ABTB3: variants seen among roughly 807,000 people sequenced by gnomAD.
ABTB3 encodes ankyrin repeat- and BTB/POZ domain-containing protein 3.
the ABTB3 span, among the ~76,000 whole-genome samples, chr12:107,329,692 A>G: frequency 1.5e-3 from 224 of 152,332 alleles, no homozygotes; most frequent in Middle Eastern, 3.4e-3. Context: ...GTTACATGAG[A>G]GTAATAGTGA....
chr12:107,349,887 C>G, the ABTB3 span, among the ~76,000 whole-genome samples: 2 of 152,214 alleles, frequency 1.3e-5, no homozygotes, highest in Non-Finnish European at 2.9e-5. Context: ...GAGGCACAGA[C>G]AGAGTGCTGT....
At chr12:107,492,514 G>A in the ABTB3 span, among the ~76,000 whole-genome samples, 1 of 152,112 alleles carries the variant, frequency 6.6e-6, no homozygotes. Context: ...ATACTCACAG[G>A]CTTCTCATAA....
chr12:107,483,208 G>T, the ABTB3 span, among the ~76,000 whole-genome samples: 1 of 151,916 alleles, frequency 6.6e-6, no homozygotes, highest in Non-Finnish European at 1.5e-5. Flanking sequence ...TGAAGGGAAT[G>T]CTGGGAGGAG....
chr12:107,540,271 G>A, the ABTB3 span, among the ~76,000 whole-genome samples: 3 of 152,140 alleles, frequency 2.0e-5, no homozygotes, highest in African/African-American at 7.2e-5. Context: ...GGCAGGAGGT[G>A]GAAGGGCAAG....
the ABTB3 span, among the ~76,000 whole-genome samples, chr12:107,406,921 A>G: frequency 6.6e-6 from 1 of 152,058 alleles, no homozygotes; most frequent in Non-Finnish European, 1.5e-5. Context: ...GTGTCCCCTG[A>G]GCTTGGGCTC....
At chr12:107,484,310 C>A in the ABTB3 span, among the ~76,000 whole-genome samples, 4 of 152,178 alleles carry the variant, frequency 2.6e-5, no homozygotes, top group Non-Finnish European at 5.9e-5. Context: ...CATTTGTACA[C>A]GCTGAAGGAG....
chr12:107,393,173 G>A, the ABTB3 span, among the ~76,000 whole-genome samples: 1 of 152,156 alleles, frequency 6.6e-6, no homozygotes, highest in Non-Finnish European at 1.5e-5. Flanking sequence ...AGTCAGGGAC[G>A]AGAACTCTGC....
chr12:107,540,033 T>C, the ABTB3 span, among the ~76,000 whole-genome samples: 6 of 152,210 alleles, frequency 3.9e-5, no homozygotes, highest in Non-Finnish European at 8.8e-5. Flanking sequence ...GGCTCAGGGC[T>C]GGGTATGTGA....
the ABTB3 span, among the ~76,000 whole-genome samples, chr12:107,501,478 T>C: frequency 4.6e-5 from 7 of 151,774 alleles, no homozygotes; most frequent in Non-Finnish European, 1.0e-4. Context: ...GGTGAGTGGA[T>C]TGCTTGAGGC....
At chr12:107,516,057 G>GCA in the ABTB3 span, among the ~76,000 whole-genome samples, 2 of 62,482 alleles carry the variant, frequency 3.2e-5, no homozygotes, top group African/African-American at 1.3e-4. Context: ...GTGTGTGTGC[G>GCA]CACACACACA....
the ABTB3 span, among the ~76,000 whole-genome samples, chr12:107,468,015 C>T: frequency 6.6e-6 from 1 of 152,156 alleles, no homozygotes; most frequent in African/African-American, 2.4e-5. Context: ...AGAGACCCCT[C>T]GTCATTGCCT....
At chr12:107,467,935 C>T in the ABTB3 span, among the ~76,000 whole-genome samples, 56 of 152,232 alleles carry the variant, frequency 3.7e-4, 1 homozygote, top group African/African-American at 1.3e-3. Context: ...AGATGTGATC[C>T]GCTTCCATTT....
At chr12:107,551,889 A>G in the ABTB3 span, among the ~76,000 whole-genome samples, 5 of 151,830 alleles carry the variant, frequency 3.3e-5, no homozygotes, top group African/African-American at 1.2e-4. Context: ...AGTAGCTGGG[A>G]TTACAGGCAT....
At chr12:107,470,010 T>TTCTTTCTC in the ABTB3 span, among the ~76,000 whole-genome samples, 14 of 57,158 alleles carry the variant, frequency 2.4e-4, no homozygotes, top group Non-Finnish European at 3.7e-4. Context: ...CTTTCTTTCT[T>TTCTTTCTC]TCTCTCTCTC....
the ABTB3 span, among the ~76,000 whole-genome samples, chr12:107,323,791 C>T: frequency 6.6e-6 from 1 of 152,188 alleles, no homozygotes; most frequent in African/African-American, 2.4e-5. Context: ...CATTCTTATT[C>T]ATCTCTGTGT....
the ABTB3 span, among the ~76,000 whole-genome samples, chr12:107,395,477 C>A: frequency 3.0e-4 from 45 of 152,330 alleles, 1 homozygote; most frequent in Admixed American, 2.1e-3. Flanking sequence ...GCTGTGTGCA[C>A]CCCTATCCAG....
chr12:107,347,479 C>T, the ABTB3 span, among the ~76,000 whole-genome samples: 1 of 100,652 alleles, frequency 9.9e-6, no homozygotes, highest in Non-Finnish European at 2.6e-5. Context: ...GCATGTGGCT[C>T]CCAAGATGGC....
chr12:107,563,372 A>G, the ABTB3 span, among the ~76,000 whole-genome samples: 3 of 152,218 alleles, frequency 2.0e-5, no homozygotes, highest in Non-Finnish European at 4.4e-5. Flanking sequence ...CACTGTTCGA[A>G]GTTCTGGGGA....
chr12:107,508,308 T>A, the ABTB3 span, among the ~76,000 whole-genome samples: 1 of 152,102 alleles, frequency 6.6e-6, no homozygotes, highest in African/African-American at 2.4e-5. Context: ...GATGGATGGA[T>A]GGATTTTGAT....
Sources: allele counts gnomAD v4.1 joint callset (sites outside exome capture counted in the v4.1 genomes callset), GRCh38; gene constraint gnomAD v4.1.1; transcripts MANE v1.5; gene names NCBI Gene and HGNC (gene_info 2026-07-23, HGNC 2026-07-21).